NAV2: variants seen among roughly 807,000 people sequenced by gnomAD.
The protein encoded by NAV2 is neuron navigator 2.
In NAV2, 54 loss-of-function variants were observed where a neutral mutation model predicts 223.2. That is an observed-to-expected ratio of 0.24 (90% CI 0.19 to 0.30). The LOEUF (loss-of-function observed/expected upper bound fraction) is 0.30. NAV2 is among the 10% of genes least tolerant of loss of function. NAV2 has a pLI of 1.00. For synonymous variants in NAV2, 1,279 were observed against 1,239.3 expected, an observed-to-expected ratio of 1.03 and a Z score of -0.67; for missense variants, 2,806 against 3,147.5, an observed-to-expected ratio of 0.89 and a Z score of 2.60.
chr11:20,083,120 A>G lies in NAV2; in HGVS notation c.5439A>G (p.Leu1813=), dbSNP rs2060192605. Residue 1813 remains leucine (L), a synonymous_variant, in exon 26 of 38, where the codon TTA becomes TTG. Coordinates refer to ENST00000349880, the MANE Select transcript of NAV2 (RefSeq NM_145117.5). The stretch of plus-strand genomic sequence containing the variant: ...CTTCTTTGCCTTCCTCACCAAAGTT[A>G]CCGCACAATGGGTCCACAGGTTCCA... ...TDSSLPSSPK[L]PHNGSTGSTP... The G allele has an allele frequency of 4.3e-6, 7 of 1,614,104 alleles. No homozygotes were observed. The East Asian group carries it at 1.6e-4, about 36-fold the overall frequency.
chr11:20,062,286 CTT>C lies in NAV2; in HGVS notation c.4832-12_4832-11del. On this transcript the variant is annotated intron_variant, in intron 19 of 37. Transcript: ENST00000349880. ...CCATAACAGCCATCTATCAATTCAC[CTT>C]TTTTTTTTCTTTTAATAGTTCATGG... The C allele has an allele frequency of 6.5e-6, 9 of 1,379,794 alleles. No homozygotes were observed. The highest frequency in any genetic ancestry group is 7.9e-6 in the Non-Finnish European group (8 of 1,010,228). 85.5% of individuals were successfully genotyped at this position (1,379,794 alleles called of 1,614,324 possible).
chr11:20,048,544 C>A (rs552244294), intron 14 of NAV2, among the ~76,000 whole-genome samples, 184 bp from the exon 15 acceptor site: 1 of 152,310 alleles, frequency 6.6e-6, no homozygotes, highest in East Asian at 1.9e-4. Flanking sequence ...GCCTGTGATG[C>A]ACTAGTGTCT....
At chr11:19,614,476 C>G (rs2046736057) in intron 1 of NAV2, among the ~76,000 whole-genome samples, 1 of 150,680 alleles carries the variant, frequency 6.6e-6, no homozygotes. Flanking sequence ...AGCAGAAGTA[C>G]AGAGAATTCC....
chr11:20,072,520 T>C (rs191488611), intron 22 of NAV2, among the ~76,000 whole-genome samples: 28 of 152,364 alleles, frequency 1.8e-4, no homozygotes, highest in Admixed American at 1.8e-3. Context: ...ATAAATTACT[T>C]TGGGCAGTAT....
intron 1 of NAV2, among the ~76,000 whole-genome samples, chr11:19,580,334 C>A (rs565138538): frequency 6.4e-4 from 96 of 149,356 alleles, no homozygotes; most frequent in Non-Finnish European, 1.1e-3. Flanking sequence ...ATTTTTCTTT[C>A]TTTTTTTTTT....
rs969532321 is a variant in NAV2 at position 19,694,456 on chromosome 11, A to G, written c.76-138028A>G. ...AGCCAGGGGAGGGGAGGGCCGCTGAACAGGGACCTATGGTACTCTGGGCAG... is the reference window on the plus strand; with the variant it reads ...AGCCAGGGGAGGGGAGGGCCGCTGAGCAGGGACCTATGGTACTCTGGGCAG... On this transcript the variant is annotated intron_variant, in intron 1 of 37. Transcript: ENST00000360655. 2.0e-5 allele frequency among the ~76,000 whole-genome samples: 3 copies of G among 152,320 alleles called. No homozygotes were observed. In the East Asian group the frequency reaches 5.8e-4, roughly 29 times the overall value.
At chr11:20,043,352 C>T (rs2057119594) in intron 12 of NAV2, among the ~76,000 whole-genome samples, 1 of 152,212 alleles carries the variant, frequency 6.6e-6, no homozygotes, top group Non-Finnish European at 1.5e-5. Context: ...ATTCCCACTG[C>T]ATCTCCATCT....
At chr11:19,913,178 A>T (rs185406227) in intron 6 of NAV2, among the ~76,000 whole-genome samples, 34 of 152,362 alleles carry the variant, frequency 2.2e-4, no homozygotes, top group Non-Finnish European at 4.9e-4. Context: ...TTGAAAAATA[A>T]TTAGGGTACC....
At chr11:20,115,744 C>T (rs1468977351) in intron 37 of NAV2, among the ~76,000 whole-genome samples, 2 of 150,766 alleles carry the variant, frequency 1.3e-5, no homozygotes, top group Non-Finnish European at 2.9e-5. Flanking sequence ...AAAACCTCTT[C>T]TCTACAAAAA....
intron 1 of NAV2, among the ~76,000 whole-genome samples, chr11:19,573,526 AC>A (rs2134928816): frequency 6.6e-6 from 1 of 152,088 alleles, no homozygotes; most frequent in East Asian, 1.9e-4. Context: ...TTTAGAATTT[AC>A]CTGGTACAGC....
intron 1 of NAV2, among the ~76,000 whole-genome samples, chr11:19,359,535 G>T (rs1378782437): frequency 1.3e-5 from 2 of 152,164 alleles, no homozygotes; most frequent in Non-Finnish European, 2.9e-5. Context: ...CAGCACAATG[G>T]GGCAAATTGT....
At position 19,738,584 on chromosome 11, in the gene NAV2, C is replaced by G. The variant is rs147495434; in HGVS notation, c.267+24622C>G. On this transcript the variant is annotated intron_variant, in intron 1 of 37. Transcript: ENST00000349880. ...AGACCCCGCCCCCAGTATCCTGACA[C>G]CAGGTTTGGCTGATCAAGTTGGTAG... 2.9e-3 allele frequency among the ~76,000 whole-genome samples: 441 copies of G among 152,314 alleles called. 5 individuals carry two copies. Among genetic ancestry groups the G allele is most frequent in the Non-Finnish European group, 5.2e-3 (355 of 68,022 alleles).
Position 19,420,089 on chromosome 11 carries a change from C to T in NAV2, c.75+69062C>T, listed in dbSNP as rs138711921. On this transcript the variant is annotated intron_variant, in intron 1 of 37. Coordinates refer to the NAV2 transcript ENST00000360655. ...TTACTGTCTTTAAAAGTTACATTGA[C>T]CTATGGGCGGTTGTGTTTTTCCCAT... 2.6e-5 allele frequency among the ~76,000 whole-genome samples: 4 copies of T among 152,258 alleles called. 1 individual carries two copies. In the East Asian group the frequency reaches 5.8e-4, roughly 22 times the overall value.
intron 6 of NAV2, among the ~76,000 whole-genome samples, chr11:19,914,417 A>G (rs2043599177): frequency 6.6e-6 from 1 of 152,208 alleles, no homozygotes; most frequent in Admixed American, 6.5e-5. Flanking sequence ...ACCACCCCAA[A>G]TCATTCTCAG....
At chr11:19,554,460 A>T (rs998015823) in intron 1 of NAV2, among the ~76,000 whole-genome samples, 1 of 152,170 alleles carries the variant, frequency 6.6e-6, no homozygotes, top group East Asian at 1.9e-4. Context: ...CTCCCCACTC[A>T]TGGGGTAGGC....
At chr11:19,860,337 T>G (rs1179754162) in intron 3 of NAV2, among the ~76,000 whole-genome samples, 4 of 106,428 alleles carry the variant, frequency 3.8e-5, no homozygotes, top group African/African-American at 4.0e-5. Context: ...AGGCAGAGGG[T>G]CTCCTCACTT....
chr11:20,113,491 G>A (rs936351835), intron 36 of NAV2, among the ~76,000 whole-genome samples: 9 of 152,148 alleles, frequency 5.9e-5, no homozygotes, highest in Non-Finnish European at 1.3e-4. Flanking sequence ...GGAGCTTGGA[G>A]GCATGGTGTT....
At chr11:19,471,673 G>T (rs1039225146) in intron 1 of NAV2, among the ~76,000 whole-genome samples, 1 of 152,064 alleles carries the variant, frequency 6.6e-6, no homozygotes, top group East Asian at 1.9e-4. Context: ...TGATTACATC[G>T]CCATCCTCAT....
At chr11:19,459,903 G>C (rs1852094254) in intron 1 of NAV2, among the ~76,000 whole-genome samples, 1 of 152,304 alleles carries the variant, frequency 6.6e-6, no homozygotes, top group East Asian at 1.9e-4. Context: ...GGAGCAGTTA[G>C]GGTGGATTGC....
Sources: allele counts gnomAD v4.1 joint callset (sites outside exome capture counted in the v4.1 genomes callset), GRCh38; gene constraint gnomAD v4.1.1; transcripts MANE v1.5; gene names NCBI Gene and HGNC (gene_info 2026-07-23, HGNC 2026-07-21).